SOX6: variants seen among roughly 807,000 people sequenced by gnomAD.
The protein encoded by SOX6 is transcription factor SOX-6.
In SOX6, 11 loss-of-function variants were observed where a neutral mutation model predicts 97.8. That is an observed-to-expected ratio of 0.11 (90% confidence interval 0.07 to 0.19). The LOEUF is 0.19. SOX6 is among the 10% of genes least tolerant of loss of function. The probability of loss-of-function intolerance (pLI) is 1.00; values close to 1 mark genes in which losing one functional copy is unlikely to be tolerated. For missense variants in SOX6, 810 were observed against 1,039.5 expected, an observed-to-expected ratio of 0.78 and a Z score of 3.04; for synonymous variants, 360 against 371.4, an observed-to-expected ratio of 0.97 and a Z score of 0.35.
intron 6 of SOX6, among the ~76,000 whole-genome samples, chr11:16,127,807 G>T (rs1225242464): frequency 6.6e-6 from 1 of 152,074 alleles, no homozygotes; most frequent in East Asian, 1.9e-4. Flanking sequence ...ATAATGAGGG[G>T]AATCCATAAC....
At position 16,283,258 on chromosome 11, in the gene SOX6, T is replaced by C. The variant is rs1854632374; in HGVS notation, c.445+35188A>G. On this transcript the variant is annotated intron_variant, in intron 3 of 15. Transcript: ENST00000683767. The stretch of plus-strand genomic sequence containing the variant: ...TAGTATTCATGCAAGAAACAGGCTG[T>C]TTTCAGTATCTATAAACAATCATAA... Among the ~76,000 whole-genome samples the C allele has an allele frequency of 1.3e-5, 2 of 150,080 alleles. 1 individual carries two copies. The highest frequency in any genetic ancestry group is 4.2e-4 in the South Asian group (2 of 4,804).
At chr11:16,726,625 A>G (rs1256913263) in intron 2 of SOX6, among the ~76,000 whole-genome samples, 2 of 152,266 alleles carry the variant, frequency 1.3e-5, no homozygotes, top group Non-Finnish European at 2.9e-5. Context: ...CAATAACAAT[A>G]ATCTATATTT....
At chr11:16,148,854 GA>G (rs1850385270) in intron 6 of SOX6, among the ~76,000 whole-genome samples, 3 of 150,716 alleles carry the variant, frequency 2.0e-5, no homozygotes, top group Admixed American at 2.0e-4. Context: ...CCAACATTAA[GA>G]AGAAAAAAAA....
intron 4 of SOX6, chr11:16,576,892 G>T (rs975159817): frequency 1.3e-5 from 2 of 152,204 alleles, no homozygotes; most frequent in Non-Finnish European, 2.9e-5. Context: ...AGCTATTCAG[G>T]AGGCTGACAT....
intron 1 of SOX6, among the ~76,000 whole-genome samples, chr11:16,371,357 T>C (rs1042637562): frequency 6.6e-6 from 1 of 152,126 alleles, no homozygotes; most frequent in African/African-American, 2.4e-5. Flanking sequence ...GACTATCCTA[T>C]TTAAAGTTGC....
intron 3 of SOX6, among the ~76,000 whole-genome samples, chr11:16,258,885 T>TAC (rs997812338): frequency 2.6e-5 from 4 of 151,534 alleles, no homozygotes; most frequent in African/African-American, 9.7e-5. Flanking sequence ...TATACATATA[T>TAC]ACACACACAT....
At chr11:16,082,646 T>C (rs1273243195) in intron 9 of SOX6, among the ~76,000 whole-genome samples, 4 of 152,192 alleles carry the variant, frequency 2.6e-5, no homozygotes, top group Non-Finnish European at 4.4e-5. Context: ...AGGGTACCAT[T>C]GTACTAAAGG....
chr11:16,092,692 T>A (rs1280565227), intron 9 of SOX6, among the ~76,000 whole-genome samples: 2 of 151,890 alleles, frequency 1.3e-5, no homozygotes, highest in African/African-American at 2.4e-5. Flanking sequence ...GGCAGGTGGA[T>A]CACTTTGCAT....
chr11:16,419,579 AT>A (rs1858988980), intron 1 of SOX6, among the ~76,000 whole-genome samples: 2 of 152,238 alleles, frequency 1.3e-5, no homozygotes, highest in East Asian at 1.9e-4. Flanking sequence ...AAATAAAAAC[AT>A]TGTTTTTGCA....
intron 3 of SOX6, among the ~76,000 whole-genome samples, chr11:16,712,390 G>A (rs895491890): frequency 6.6e-5 from 10 of 151,894 alleles, no homozygotes; most frequent in East Asian, 3.8e-4. Context: ...TTCCCTGTTC[G>A]CCACATCCAT....
intron 1 of SOX6, among the ~76,000 whole-genome samples, chr11:16,445,501 G>C (rs1859593624): frequency 6.6e-6 from 1 of 152,142 alleles, no homozygotes. Context: ...TGTACCCACA[G>C]AGCTATTGGG....
At chr11:16,291,905 G>A (rs1854929499) in intron 3 of SOX6, among the ~76,000 whole-genome samples, 1 of 152,132 alleles carries the variant, frequency 6.6e-6, no homozygotes, top group Non-Finnish European at 1.5e-5. Flanking sequence ...ACTTAATATT[G>A]GGGATGTTTC....
chr11:16,583,673 A>G (rs1405317246), intron 4 of SOX6, among the ~76,000 whole-genome samples: 1 of 144,798 alleles, frequency 6.9e-6, no homozygotes. Context: ...ATCTGTTGGT[A>G]GACACTTAGG....
intron 6 of SOX6, among the ~76,000 whole-genome samples, chr11:16,126,907 T>C (rs891139492): frequency 4.6e-5 from 7 of 152,238 alleles, no homozygotes; most frequent in Middle Eastern, 6.8e-3. Context: ...AGTTCTTTTG[T>C]TCCTGCCAGC....
At chr11:16,344,139 G>C (rs910494551) in intron 1 of SOX6, among the ~76,000 whole-genome samples, 6 of 151,902 alleles carry the variant, frequency 3.9e-5, no homozygotes, top group Non-Finnish European at 8.8e-5. Flanking sequence ...TGCATTGCTA[G>C]TGGTGAAAAA....
chr11:16,028,254 G>A (rs1038228997), intron 12 of SOX6, among the ~76,000 whole-genome samples: 2 of 150,828 alleles, frequency 1.3e-5, no homozygotes, highest in African/African-American at 4.9e-5. Context: ...TTTTTCCTTT[G>A]TGGTATCCAC....
chr11:16,522,172 T>C (rs1427652764), intron 4 of SOX6, among the ~76,000 whole-genome samples: 1 of 151,772 alleles, frequency 6.6e-6, no homozygotes, highest in Admixed American at 6.6e-5. Flanking sequence ...CCAAGACACA[T>C]AATTGTCAGA....
intron 3 of SOX6, among the ~76,000 whole-genome samples, chr11:16,644,295 C>T (rs1212611489): frequency 6.6e-6 from 1 of 152,200 alleles, no homozygotes; most frequent in Non-Finnish European, 1.5e-5. Flanking sequence ...CTGCCTCAGC[C>T]TCTCAAAGTG....
At chr11:16,165,426 T>C (rs1322869614) in intron 6 of SOX6, among the ~76,000 whole-genome samples, 2 of 152,148 alleles carry the variant, frequency 1.3e-5, no homozygotes, top group African/African-American at 4.8e-5. Context: ...TCTCAAGATT[T>C]CTTATTTTAA....
Sources: allele counts gnomAD v4.1 joint callset (sites outside exome capture counted in the v4.1 genomes callset), GRCh38; gene constraint gnomAD v4.1.1; transcripts MANE v1.5; gene names NCBI Gene and HGNC (gene_info 2026-07-23, HGNC 2026-07-21).